Variants in BLTP1 observed in about 807,000 individuals in gnomAD.
The protein encoded by BLTP1 is bridge-like lipid transfer protein family member 1.
At chr4:122,288,980 A>T in the BLTP1 span, 89 of 1,250,026 alleles carry the variant, frequency 7.1e-5, 1 homozygote, top group East Asian at 2.2e-3. Flanking sequence ...ATTTCAAATC[A>T]TATAGAGATA....
chr4:122,163,965 G>A, the BLTP1 span, among the ~76,000 whole-genome samples: 4 of 151,808 alleles, frequency 2.6e-5, no homozygotes, highest in South Asian at 2.1e-4. Context: ...AGTTGTCTCC[G>A]CCCCTCCCTG....
At chr4:122,264,186 G>A in the BLTP1 span, 89 of 1,466,774 alleles carry the variant, frequency 6.1e-5, no homozygotes, top group Admixed American at 4.5e-4. Flanking sequence ...TTACCCTGCT[G>A]TACACTTTTA....
At chr4:122,317,104 G>C in the BLTP1 span, among the ~76,000 whole-genome samples, 1 of 152,130 alleles carries the variant, frequency 6.6e-6, no homozygotes, top group Non-Finnish European at 1.5e-5. Flanking sequence ...GGCCGAGGCA[G>C]GTGGGTCACC....
At chr4:122,158,913 G>A in the BLTP1 span, among the ~76,000 whole-genome samples, 4 of 152,146 alleles carry the variant, frequency 2.6e-5, no homozygotes, top group East Asian at 1.9e-4. Flanking sequence ...AGAGTTCTTC[G>A]ATATATAAGC....
At chr4:122,250,676 T>G in the BLTP1 span, 1 of 1,137,098 alleles carries the variant, frequency 8.8e-7, no homozygotes, top group African/African-American at 1.6e-5. Flanking sequence ...TTTGCCTGTC[T>G]TTCCCTATTT....
the BLTP1 span, chr4:122,244,517 C>A: frequency 3.5e-6 from 1 of 289,716 alleles, no homozygotes; most frequent in Non-Finnish European, 5.1e-6. Flanking sequence ...TATTATATTG[C>A]AATAATATAA....
At chr4:122,352,824 G>A in the BLTP1 span, 1 of 1,541,562 alleles carries the variant, frequency 6.5e-7, no homozygotes, top group East Asian at 2.3e-5. Context: ...GTAGAAAGTA[G>A]CCACTTGCTG....
the BLTP1 span, chr4:122,292,513 T>C: frequency 2.7e-4 from 219 of 821,168 alleles, no homozygotes; most frequent in Non-Finnish European, 3.0e-4. Flanking sequence ...TAAGAGAATA[T>C]GAAAAAGTGA....
chr4:122,181,284 T>A, the BLTP1 span: 1 of 953,982 alleles, frequency 1.0e-6, no homozygotes, highest in African/African-American at 1.8e-5. Flanking sequence ...CAGATCTAAA[T>A]GTGCTCCTGG....
At chr4:122,237,255 G>C in the BLTP1 span, 41 of 985,132 alleles carry the variant, frequency 4.2e-5, no homozygotes, top group African/African-American at 7.2e-4. Context: ...ATTTTTTTTG[G>C]ATCTAGGCAG....
the BLTP1 span, chr4:122,185,969 G>A: frequency 3.2e-6 from 4 of 1,263,834 alleles, no homozygotes; most frequent in Non-Finnish European, 3.3e-6. Context: ...GTATAAAAAT[G>A]TTTGAGTAAA....
chr4:122,352,900 G>T, the BLTP1 span: 3 of 1,611,888 alleles, frequency 1.9e-6, no homozygotes, highest in Admixed American at 1.7e-5. Flanking sequence ...TGGTTTTCTT[G>T]CAGTACTTGA....
the BLTP1 span, chr4:122,334,598 T>C: frequency 6.4e-7 from 1 of 1,557,494 alleles, no homozygotes; most frequent in Admixed American, 1.8e-5. Context: ...TTTTTAGTTA[T>C]TACCTACTTG....
chr4:122,362,016 T>C, the BLTP1 span: 9 of 1,601,296 alleles, frequency 5.6e-6, no homozygotes, highest in Non-Finnish European at 7.7e-6. Context: ...ATAATAACTG[T>C]AATTTTTATT....
At chr4:122,222,434 A>C in the BLTP1 span, among the ~76,000 whole-genome samples, 1 of 152,194 alleles carries the variant, frequency 6.6e-6, no homozygotes, top group Non-Finnish European at 1.5e-5. Flanking sequence ...CTTTGTGGTC[A>C]TCTTATGTAT....
the BLTP1 span, among the ~76,000 whole-genome samples, chr4:122,238,634 A>G: frequency 2.0e-5 from 3 of 152,218 alleles, no homozygotes; most frequent in Non-Finnish European, 2.9e-5. Flanking sequence ...TTCAGATATT[A>G]TCCTTCTAGT....
At chr4:122,347,841 C>A in the BLTP1 span, 1 of 1,212,734 alleles carries the variant, frequency 8.2e-7, no homozygotes, top group African/African-American at 1.5e-5. Context: ...ATCTTAGTTA[C>A]TCTCAGATTT....
At chr4:122,174,569 A>G in the BLTP1 span, 1 of 1,609,252 alleles carries the variant, frequency 6.2e-7, no homozygotes, top group Non-Finnish European at 8.5e-7. Flanking sequence ...TCCTTCCTAT[A>G]ACAGGTTCCT....
At chr4:122,205,641 TTCTC>T in the BLTP1 span, among the ~76,000 whole-genome samples, 140 of 105,544 alleles carry the variant, frequency 1.3e-3, no homozygotes, top group Admixed American at 1.6e-3. Flanking sequence ...TTCCCCCCCC[TTCTC>T]TCTCTCTCTC....
Sources: allele counts gnomAD v4.1 joint callset (sites outside exome capture counted in the v4.1 genomes callset), GRCh38; gene constraint gnomAD v4.1.1; transcripts MANE v1.5; gene names NCBI Gene and HGNC (gene_info 2026-07-23, HGNC 2026-07-21).